USH2A: variants seen among roughly 807,000 people sequenced by gnomAD.
USH2A encodes the protein Usher syndrome 2A (autosomal recessive, mild).
In USH2A, 443 loss-of-function variants were observed where a neutral mutation model predicts 538.9. The observed-to-expected ratio is 0.82, with a 90% CI of 0.76 to 0.89. The LOEUF (loss-of-function observed/expected upper bound fraction) is 0.89, where lower values mean the gene tolerates loss of function less well. USH2A is among the 40% of genes least tolerant of loss of function. The pLI, the probability that USH2A is intolerant of heterozygous loss-of-function variation, is 0.00. For missense variants in USH2A, 6,633 were observed against 6,324.8 expected (o/e 1.05, Z -1.65); for synonymous variants, 2,413 against 2,273.5 (o/e 1.06, Z -1.75).
intron 32 of USH2A, among the ~76,000 whole-genome samples, chr1:216,002,145 T>C (rs1178859078): frequency 6.6e-6 from 1 of 152,086 alleles, no homozygotes; most frequent in Non-Finnish European, 1.5e-5. Context: ...GGACCAACGT[T>C]CTAGGAAACT....
In USH2A at chr1:216,196,660, A is replaced by C; in HGVS notation, c.4144T>G (p.Trp1382Gly). ...PLSSYSLNIS[W>G]EKPADNVTRG... ...GTAACATTATCTGCTGGCTTCTCCC[A>C]GGAGATATTGAGAGAGTACGAAGAG... The change falls in exon 19 of 72, where the codon TGG becomes GGG. Residue 1382 changes from tryptophan (W) to glycine (G), a missense_variant. Transcript: ENST00000307340. The C allele has an allele frequency of 4.3e-6, 7 of 1,613,590 alleles. No homozygotes were observed. The highest frequency in any genetic ancestry group is 5.9e-6 in the Non-Finnish European group (7 of 1,179,698).
rs150634036 is a variant in USH2A, at chr1:215,970,693, C to T, written c.6889G>A (p.Ala2297Thr). 6.2e-7 allele frequency: 1 copy of T among 1,613,696 alleles called. No individual in the cohort carries two copies. Among genetic ancestry groups the T allele is most frequent in the Non-Finnish European group, 8.5e-7 (1 of 1,179,738 alleles). ...CTGAAGGAATGTAAACTCCAAGGAG[C>T]AAATCCGTAAGCACGATAGCTGAGT... is the stretch of plus-strand genomic sequence containing the variant. The part of the protein sequence containing the change: ...SELSYRAYGF[A>T]PWSLHSFRVQ... Residue 2297 changes from alanine (A) to threonine (T), a missense_variant, in exon 36 of 72, where the codon GCT becomes ACT. Physicochemically the swap from Ala to Thr is moderately conservative, Grantham distance 58. Coordinates refer to ENST00000307340, the MANE Select transcript of USH2A (RefSeq NM_206933.4).
chr1:215,859,362 G>A (rs899742088), intron 44 of USH2A, among the ~76,000 whole-genome samples: 4 of 151,956 alleles, frequency 2.6e-5, no homozygotes, highest in African/African-American at 4.8e-5. Context: ...GTGAAACCCC[G>A]TCTCTACTAA....
chr1:216,324,746 GT>G (rs1391417144), intron 6 of USH2A, among the ~76,000 whole-genome samples: 1 of 151,910 alleles, frequency 6.6e-6, no homozygotes, highest in Non-Finnish European at 1.5e-5. Flanking sequence ...CAAACATAAG[GT>G]CCTACATGTT....
At chr1:216,300,676 A>G (rs1571678400) in intron 9 of USH2A, among the ~76,000 whole-genome samples, 1 of 151,776 alleles carries the variant, frequency 6.6e-6, no homozygotes, top group Admixed American at 6.6e-5. Flanking sequence ...AGCAAAGACA[A>G]TCTTTCAAAG....
intron 21 of USH2A, among the ~76,000 whole-genome samples, chr1:216,132,984 A>G (rs1571987131): frequency 2.0e-5 from 3 of 152,132 alleles, no homozygotes; most frequent in African/African-American, 7.2e-5. Flanking sequence ...CTTCATCCTC[A>G]AATTCCCAAA....
At chr1:216,075,077 T>C (rs2031702597) in intron 27 of USH2A, among the ~76,000 whole-genome samples, 1 of 152,220 alleles carries the variant, frequency 6.6e-6, no homozygotes, top group Non-Finnish European at 1.5e-5. Context: ...TAAAAATTAA[T>C]TCACAAGATG....
intron 30 of USH2A, among the ~76,000 whole-genome samples, chr1:216,054,659 C>G (rs940758088): frequency 1.3e-5 from 2 of 151,940 alleles, no homozygotes; most frequent in African/African-American, 4.8e-5. Context: ...ACTCCTCCTC[C>G]CTCCCCCACC....
At chr1:216,060,223 A>G (rs968801273) in intron 30 of USH2A, among the ~76,000 whole-genome samples, 3 of 152,222 alleles carry the variant, frequency 2.0e-5, no homozygotes, top group Admixed American at 6.5e-5. Flanking sequence ...GCAAATTGCT[A>G]AATACTAGCC....
chr1:216,048,209 T>C (rs2030603211), intron 31 of USH2A, among the ~76,000 whole-genome samples: 1 of 152,248 alleles, frequency 6.6e-6, no homozygotes, highest in Admixed American at 6.5e-5. Flanking sequence ...GATTTACTTC[T>C]GAGCCATAGT....
At chr1:215,793,458 G>A (rs1378896527) in intron 50 of USH2A, among the ~76,000 whole-genome samples, 8 of 152,058 alleles carry the variant, frequency 5.3e-5, no homozygotes, top group African/African-American at 9.7e-5. Context: ...ATTCACACTT[G>A]TCTTCACCAG....
chr1:215,883,487 T>C (rs963337855), intron 41 of USH2A, among the ~76,000 whole-genome samples: 2 of 152,026 alleles, frequency 1.3e-5, no homozygotes, highest in Admixed American at 1.3e-4. Flanking sequence ...TCCCCTACAT[T>C]TAGATTACAT....
rs756480341 is a variant in USH2A at position 215,674,536 on chromosome 1, A to G, written c.13375T>C (p.Ser4459Pro). ...GGAGGTTTCCAGGTGATTTCTATTG[A>G]TTCTGAGCCTGTGACTTGCAATGTT... The part of the protein sequence containing the change: ...SPTLQVTGSE[S>P]IEITWKPPRN... Residue 4459 changes from serine (S) to proline (P), a missense_variant, in exon 63 of 72, where the codon TCA becomes CCA. By Grantham distance (74) the Ser-to-Pro change is moderately conservative. Transcript: ENST00000307340. 1 of 1,614,028 alleles carries G rather than the reference A, an allele frequency of 6.2e-7. No individual in the cohort carries two copies. The highest frequency in any genetic ancestry group is 8.5e-7 in the Non-Finnish European group (1 of 1,180,004).
chr1:215,904,582 T>C (rs1325755988), intron 38 of USH2A, among the ~76,000 whole-genome samples: 5 of 152,054 alleles, frequency 3.3e-5, no homozygotes, highest in Non-Finnish European at 7.4e-5. Context: ...ATAATTCCAC[T>C]GCTGGTTTCT....
intron 40 of USH2A, among the ~76,000 whole-genome samples, chr1:215,891,014 A>C (rs1236292740): frequency 6.6e-6 from 1 of 152,118 alleles, no homozygotes; most frequent in Admixed American, 6.5e-5. Flanking sequence ...GAACTATCAA[A>C]CTGTGAGCAT....
intron 21 of USH2A, among the ~76,000 whole-genome samples, chr1:216,109,027 T>C (rs544082854): frequency 1.3e-5 from 2 of 152,282 alleles, no homozygotes; most frequent in African/African-American, 4.8e-5. Flanking sequence ...CCTTCAACCA[T>C]TGGTGATGCC....
chr1:216,020,907 C>T (rs1334754127), intron 32 of USH2A, among the ~76,000 whole-genome samples: 2 of 152,100 alleles, frequency 1.3e-5, no homozygotes, highest in African/African-American at 4.8e-5. Flanking sequence ...GTCATTCTAG[C>T]AAATTATCAA....
At chr1:215,931,593 C>T (rs1666363488) in intron 38 of USH2A, among the ~76,000 whole-genome samples, 2 of 152,010 alleles carry the variant, frequency 1.3e-5, no homozygotes, top group Admixed American at 1.3e-4. Context: ...GTCTCTTTCA[C>T]AGCTGGCTAA....
At position 215,650,453 on chromosome 1, in the gene USH2A, G is replaced by A. The variant is rs1657019526; in HGVS notation, c.14343+139C>T. 5.1e-6 allele frequency: 5 copies of A among 985,542 alleles called. No homozygotes were observed. The African/African-American group carries it at 6.5e-5, about 13-fold the overall frequency. 61.0% of individuals were successfully genotyped at this position (985,542 alleles called of 1,614,324 possible). A position where few individuals can be genotyped will look rare whatever the true frequency, so the allele number is the denominator to read the frequency against. The stretch of plus-strand genomic sequence containing the variant: ...TTTTTCTTCTCTGAGGGATATTTGT[G>A]CTACTAAGTTCACCGTAGAGCAACT... On this transcript the variant is annotated intron_variant, in intron 65 of 71. Coordinates refer to ENST00000307340, the MANE Select transcript of USH2A (RefSeq NM_206933.4).
Sources: gnomAD v4.1 joint callset for allele counts (sites outside exome capture counted in the v4.1 genomes callset) on GRCh38, gnomAD v4.1.1 for gene constraint, MANE v1.5 for transcripts, NCBI Gene and HGNC (gene_info 2026-07-23, HGNC 2026-07-21) for gene names.